Variants in LRRTM4 observed in about 807,000 individuals in gnomAD.
LRRTM4 encodes the protein leucine-rich repeat transmembrane neuronal protein 4.
A neutral mutation model predicts 47.6 loss-of-function variants in LRRTM4; 25 were observed. The ratio of observed to expected loss-of-function variants is 0.53; its 90% CI spans 0.38 to 0.73. LRRTM4 has a LOEUF of 0.73. LRRTM4 is among the 30% of genes least tolerant of loss of function. The pLI, the probability that LRRTM4 is intolerant of heterozygous loss-of-function variation, is 0.00. For synonymous variants in LRRTM4, 311 were observed against 269.5 expected (o/e 1.15, Z -1.51); for missense variants, 638 against 713.4 (o/e 0.89, Z 1.20).
rs189771175 is a variant in LRRTM4, at chr2:77,054,102, G to A, written c.1552-305186C>T. ...TTCAAGATATTGTCTCAGATTTTTCGTCCAAAACATGGGGAAACCACAGTA... is the reference window on the plus strand; with the variant it reads ...TTCAAGATATTGTCTCAGATTTTTCATCCAAAACATGGGGAAACCACAGTA... On this transcript the variant is annotated intron_variant, in intron 3 of 3. Transcript: ENST00000409884. Among the ~76,000 whole-genome samples, 65 of 151,958 alleles carry A rather than the reference G, an allele frequency of 4.3e-4. 1 individual carries two copies. Among genetic ancestry groups the A allele is most frequent in the South Asian group, 8.3e-4 (4 of 4,826 alleles).
At chr2:77,130,378 G>A (rs563024644) in intron 3 of LRRTM4, among the ~76,000 whole-genome samples, 1 of 152,088 alleles carries the variant, frequency 6.6e-6, no homozygotes, top group East Asian at 1.9e-4. Context: ...GATTGTTTAA[G>A]GGTGTGGCAG....
intron 3 of LRRTM4, among the ~76,000 whole-genome samples, chr2:76,917,651 C>T (rs1198633366): frequency 1.3e-5 from 2 of 151,988 alleles, no homozygotes; most frequent in African/African-American, 4.8e-5. Flanking sequence ...CATGAAGGAG[C>T]TAGGAAGCTC....
At chr2:77,430,641 A>G (rs2861047) in intron 3 of LRRTM4, among the ~76,000 whole-genome samples, 24,648 of 147,498 alleles carry the variant, frequency 0.17, 2,699 homozygotes, top group East Asian at 0.28. Context: ...GAATCACTTG[A>G]ACCCAGGAGG....
At chr2:76,905,094 A>AC (rs1242419535) in intron 3 of LRRTM4, among the ~76,000 whole-genome samples, 1 of 152,064 alleles carries the variant, frequency 6.6e-6, no homozygotes, top group South Asian at 2.1e-4. Flanking sequence ...ACTAGGAGGC[A>AC]CCCCCCAGTA....
At chr2:77,139,638 C>G (rs1227747295) in intron 3 of LRRTM4, among the ~76,000 whole-genome samples, 3 of 151,712 alleles carry the variant, frequency 2.0e-5, no homozygotes, top group Admixed American at 1.3e-4. Flanking sequence ...GGCAATCAGG[C>G]AGGAGAAATA....
chr2:77,048,043 A>G (rs1280754299), intron 3 of LRRTM4, among the ~76,000 whole-genome samples: 1 of 152,030 alleles, frequency 6.6e-6, no homozygotes, highest in African/African-American at 2.4e-5. Flanking sequence ...GATACAAAAC[A>G]TATCTCTCGA....
At chr2:77,261,983 C>T (rs536231216) in intron 3 of LRRTM4, among the ~76,000 whole-genome samples, 4 of 152,122 alleles carry the variant, frequency 2.6e-5, no homozygotes, top group East Asian at 3.9e-4. Flanking sequence ...CCCAGCATTG[C>T]CACCTGAGCT....
chr2:77,027,042 T>A (rs1488398814), intron 3 of LRRTM4, among the ~76,000 whole-genome samples: 1 of 152,114 alleles, frequency 6.6e-6, no homozygotes, highest in African/African-American at 2.4e-5. Flanking sequence ...ACCTGCTATA[T>A]TAAAATAACC....
At chr2:77,231,860 T>C (rs1231298190) in intron 3 of LRRTM4, among the ~76,000 whole-genome samples, 2 of 152,226 alleles carry the variant, frequency 1.3e-5, no homozygotes, top group African/African-American at 2.4e-5. Context: ...TACTGCAAGC[T>C]ACTAATTTAG....
chr2:76,934,623 GGTATCA>G, intron 3 of LRRTM4, among the ~76,000 whole-genome samples: 1 of 152,252 alleles, frequency 6.6e-6, no homozygotes, highest in South Asian at 2.1e-4. Context: ...CCAATTTCAA[GGTATCA>G]GTACGATGTC....
At chr2:77,009,581 C>A (rs889523737) in intron 3 of LRRTM4, 48 of 152,084 alleles carry the variant, frequency 3.2e-4, no homozygotes, top group Non-Finnish European at 5.9e-4. Context: ...AATTGATCCT[C>A]TAATTTCCAT....
intron 3 of LRRTM4, among the ~76,000 whole-genome samples, chr2:77,112,633 C>CTT (rs34708943): frequency 3.9e-4 from 57 of 146,016 alleles, no homozygotes; most frequent in Middle Eastern, 7.3e-3. Flanking sequence ...GTATAATAAG[C>CTT]TTTTTTTTTT....
At chr2:76,906,015 G>A (rs1218260001) in intron 3 of LRRTM4, among the ~76,000 whole-genome samples, 4 of 152,024 alleles carry the variant, frequency 2.6e-5, no homozygotes, top group South Asian at 2.1e-4. Context: ...GATACTCCTC[G>A]AGAAGAGCAA....
At position 77,126,768 on chromosome 2, in the gene LRRTM4, C is replaced by T. The variant is rs555528295; in HGVS notation, c.1552-377852G>A. 5.9e-5 allele frequency among the ~76,000 whole-genome samples: 9 copies of T among 152,192 alleles called. No homozygotes were observed. In the South Asian group the frequency reaches 8.3e-4, roughly 14 times the overall value. ...CCTGGAAGTGGAAGAACAAAGTATA[C>T]GAAAGTTTTCAGCAAGATCAAAGGA... On this transcript the variant is annotated intron_variant, in intron 3 of 3. Coordinates refer to ENST00000409884, the MANE Select transcript of LRRTM4 (RefSeq NM_001134745.3).
chr2:76,944,374 A>G (rs1223256042), intron 3 of LRRTM4, among the ~76,000 whole-genome samples: 1 of 152,144 alleles, frequency 6.6e-6, no homozygotes, highest in Non-Finnish European at 1.5e-5. Context: ...AGCACCAAAA[A>G]ACACACTGAA....
chr2:77,479,654 C>G (rs1367103512), intron 3 of LRRTM4, among the ~76,000 whole-genome samples: 1 of 152,154 alleles, frequency 6.6e-6, no homozygotes, highest in Non-Finnish European at 1.5e-5. Context: ...GAAAGGAATC[C>G]TGCCAATTCT....
intron 3 of LRRTM4, among the ~76,000 whole-genome samples, chr2:76,833,886 CTATCT>C (rs1467344338): frequency 6.6e-6 from 1 of 151,598 alleles, no homozygotes; most frequent in Non-Finnish European, 1.5e-5. Flanking sequence ...TATGTATTTT[CTATCT>C]TAACTTTTCC....
intron 3 of LRRTM4, among the ~76,000 whole-genome samples, chr2:77,144,955 G>A (rs1244699830): frequency 6.6e-6 from 1 of 152,100 alleles, no homozygotes; most frequent in Non-Finnish European, 1.5e-5. Context: ...TGTATGCTTG[G>A]ATAAAAACAC....
chr2:77,250,156 G>A lies in LRRTM4; in HGVS notation c.1551+268162C>T, dbSNP rs143787618. Among the ~76,000 whole-genome samples, 810 of 152,278 alleles carry A rather than the reference G, an allele frequency of 5.3e-3. 11 individuals carry two copies. Among genetic ancestry groups the A allele is most frequent in the African/African-American group, 0.019 (780 of 41,564 alleles). On this transcript the variant is annotated intron_variant, in intron 3 of 3. Transcript: ENST00000409884. Reference sequence around the variant, plus strand: ...TAGTGAAAAAAAATCATAATTGCCAGAAGTTAGAAGGGAGGGAGGTATACC... The same window carrying A: ...TAGTGAAAAAAAATCATAATTGCCAAAAGTTAGAAGGGAGGGAGGTATACC...
Sources: allele counts gnomAD v4.1 joint callset (sites outside exome capture counted in the v4.1 genomes callset), GRCh38; gene constraint gnomAD v4.1.1; transcripts MANE v1.5; gene names NCBI Gene and HGNC (gene_info 2026-07-23, HGNC 2026-07-21).